Variants in MYLK4 observed in about 807,000 individuals in gnomAD.
MYLK4 encodes the protein myosin light chain kinase family member 4.
A neutral mutation model predicts 48.1 loss-of-function variants in MYLK4; 46 were observed. The ratio of observed to expected loss-of-function variants is 0.96; its 90% CI spans 0.75 to 1.22. The LOEUF (loss-of-function observed/expected upper bound fraction) is 1.22. Ranked by LOEUF, MYLK4 falls within the 50% of genes most tolerant of loss-of-function variation. MYLK4 has a pLI of 0.00. For synonymous variants in MYLK4, 170 were observed against 180.8 expected (o/e 0.94, Z 0.48); for missense variants, 451 against 486.1 (o/e 0.93, Z 0.68).
In MYLK4 at chr6:2,720,744, T is replaced by G. The variant is rs142807938; in HGVS notation, c.160-27885A>C. ...AAGTTTCCACAATAGAGTAAAGAAG[T>G]CTCCCTGAAAGCAGAGCCACTAGAT... On this transcript the variant is annotated intron_variant, in intron 2 of 12. Transcript: ENST00000274643. 5.4e-4 allele frequency among the ~76,000 whole-genome samples: 82 copies of G among 151,156 alleles called. No homozygotes were observed. In the East Asian group the frequency reaches 0.012, roughly 22 times the overall value.
rs1206462976 is a variant in MYLK4, at chr6:2,726,779, A to AT, written c.159+22356dup. ...AGGCGCCCGCCACCATGCCAGGCTA[A>AT]TTTTTTTATTTTTAGTAGAGATGGG... is the stretch of plus-strand genomic sequence containing the variant. On this transcript the variant is annotated intron_variant, in intron 2 of 12. Coordinates refer to ENST00000274643, the MANE Select transcript of MYLK4 (RefSeq NM_001012418.5). Among the ~76,000 whole-genome samples the AT allele has an allele frequency of 1.4e-4, 22 of 151,874 alleles. No individual in the cohort carries two copies. The East Asian group carries it at 4.1e-3, about 28-fold the overall frequency.
At chr6:2,682,830 T>C (rs967772248) in intron 7 of MYLK4, among the ~76,000 whole-genome samples, 191 bp downstream of exon 7, 2 of 152,140 alleles carry the variant, frequency 1.3e-5, no homozygotes, top group South Asian at 2.1e-4. Flanking sequence ...ATATCACCCC[T>C]GAAGATGGAA....
chr6:2,763,563 C>G, the MYLK4 span, among the ~76,000 whole-genome samples: 39 of 152,224 alleles, frequency 2.6e-4, no homozygotes, highest in Middle Eastern at 3.2e-3. Context: ...GCTCCGAGCG[C>G]GAGGCTTATC....
At chr6:2,754,916 T>A (rs1277237851), upstream of MYLK4, among the ~76,000 whole-genome samples, 1 of 152,184 alleles carries the variant, frequency 6.6e-6, no homozygotes, top group African/African-American at 2.4e-5. Flanking sequence ...AATATAAGAT[T>A]TTGTAATTAA....
At chr6:2,683,437 T>TC (rs1761406306) in intron 6 of MYLK4, among the ~76,000 whole-genome samples, 1 of 108,842 alleles carries the variant, frequency 9.2e-6, no homozygotes, top group African/African-American at 3.7e-5. Context: ...GTGTGTGTTT[T>TC]GAGATGGAGT....
intron 2 of MYLK4, among the ~76,000 whole-genome samples, chr6:2,714,457 C>T (rs1183234703): frequency 6.6e-6 from 1 of 152,248 alleles, no homozygotes; most frequent in East Asian, 1.9e-4. Flanking sequence ...ATGAGTCAGC[C>T]CTGCTCTGCA....
chr6:2,754,579 T>A (rs1764378978), upstream of MYLK4, among the ~76,000 whole-genome samples: 1 of 152,228 alleles, frequency 6.6e-6, no homozygotes, highest in South Asian at 2.1e-4. Context: ...GTGGTAGTGA[T>A]GACTGTACAA....
At chr6:2,741,312 A>G (rs1250351377) in intron 2 of MYLK4, among the ~76,000 whole-genome samples, 1 of 152,232 alleles carries the variant, frequency 6.6e-6, no homozygotes, top group Non-Finnish European at 1.5e-5. Context: ...ACTTAGGTAC[A>G]CAGACTTGAT....
intron 2 of MYLK4, among the ~76,000 whole-genome samples, chr6:2,740,240 TC>T (rs145400384): frequency 7.9e-4 from 121 of 152,316 alleles, no homozygotes; most frequent in African/African-American, 2.7e-3. Context: ...GGTGCACCTC[TC>T]CTTGTCCTCC....
chr6:2,712,651 G>A (rs1472186612), intron 2 of MYLK4, among the ~76,000 whole-genome samples: 1 of 152,206 alleles, frequency 6.6e-6, no homozygotes, highest in Non-Finnish European at 1.5e-5. Flanking sequence ...GGTACACTAA[G>A]TGGGACCCAC....
rs762373754 is a variant in MYLK4, at chr6:2,688,937, C to T, written c.255G>A (p.Pro85=). The T allele has an allele frequency of 1.2e-5, 19 of 1,613,978 alleles. No homozygotes were observed. Among genetic ancestry groups the T allele is most frequent in the East Asian group, 6.7e-5 (3 of 44,894 alleles). ...TCACAATACGATGATCAAATGGGGC[C>T]GGAGGAGCCGGGATGTCAACTAGAA... ...SALAVDIPAP[P]APFDHRIVTA... The change falls in exon 4 of 13, where the codon CCG becomes CCA. Residue 85 remains proline (P), a synonymous_variant. Transcript: ENST00000274643.
At position 2,666,315 on chromosome 6, in the gene MYLK4, G is replaced by A. The variant is rs12203132; in HGVS notation, c.*1610C>T. ...TTCTTATGCCTTTCATTGCTATTGC[G>A]ACAACAGTAATTGAGACCATTCTGG... is the stretch of plus-strand genomic sequence containing the variant. On this transcript the variant is annotated 3_prime_UTR_variant, in exon 13 of 13. Transcript: ENST00000274643. The A allele has an allele frequency of 0.38, 58,146 of 151,958 alleles. 11,424 individuals carry two copies. The highest frequency in any genetic ancestry group is 0.4 in the Non-Finnish European group (27,415 of 67,966). 9.4% of individuals were successfully genotyped at this position (151,958 alleles called of 1,614,324 possible). A position where few individuals can be genotyped will look rare whatever the true frequency, so the allele number is the denominator to read the frequency against.
At chr6:2,751,940 T>C (rs1269756711), upstream of MYLK4, among the ~76,000 whole-genome samples, 1 of 152,248 alleles carries the variant, frequency 6.6e-6, no homozygotes, top group Non-Finnish European at 1.5e-5. Flanking sequence ...ATAAATTATC[T>C]GACAAAAGTA....
At chr6:2,731,959 ATCTCCAG>A (rs1028123819) in intron 2 of MYLK4, among the ~76,000 whole-genome samples, 1 of 152,202 alleles carries the variant, frequency 6.6e-6, no homozygotes, top group African/African-American at 2.4e-5. Context: ...CAGTCTGACC[ATCTCCAG>A]GGAGCAGAGA....
intron 2 of MYLK4, among the ~76,000 whole-genome samples, chr6:2,718,398 C>G (rs191603207): frequency 6.6e-6 from 1 of 152,260 alleles, no homozygotes; most frequent in Admixed American, 6.5e-5. Context: ...ATAATGTGCT[C>G]TCCAAAAAAA....
intron 2 of MYLK4, among the ~76,000 whole-genome samples, chr6:2,746,676 C>T (rs1327947504): frequency 1.3e-5 from 2 of 152,244 alleles, no homozygotes; most frequent in Admixed American, 6.5e-5. Flanking sequence ...TATGATTAGC[C>T]GTGCTAATCC....
At chr6:2,759,293 A>G in the MYLK4 span, among the ~76,000 whole-genome samples, 1 of 152,066 alleles carries the variant, frequency 6.6e-6, no homozygotes, top group African/African-American at 2.4e-5. Flanking sequence ...TTTTGTAGAG[A>G]TGGAGGTCTC....
chr6:2,738,982 T>C (rs954505154), intron 2 of MYLK4, among the ~76,000 whole-genome samples: 10 of 152,228 alleles, frequency 6.6e-5, no homozygotes, highest in African/African-American at 2.2e-4. Flanking sequence ...GGATTGTTAA[T>C]AGTTGATAAA....
Position 2,663,746 on chromosome 6 carries a change from T to C in MYLK4, c.*4179A>G, listed in dbSNP as rs1026351414. Reference sequence around the variant, plus strand: ...TGAAAGTACGTTCAGAAATTTAAAATATACATGATAGACACAATCACCACG... The same window carrying C: ...TGAAAGTACGTTCAGAAATTTAAAACATACATGATAGACACAATCACCACG... On this transcript the variant is annotated 3_prime_UTR_variant, in exon 13 of 13. Coordinates refer to ENST00000274643, the MANE Select transcript of MYLK4 (RefSeq NM_001012418.5). The C allele has an allele frequency of 7.2e-5, 11 of 152,560 alleles. No individual in the cohort carries two copies. The highest frequency in any genetic ancestry group is 2.4e-4 in the African/African-American group (10 of 41,374). 9.5% of individuals were successfully genotyped at this position (152,560 alleles called of 1,614,324 possible).
Sources: gnomAD v4.1 joint callset for allele counts (sites outside exome capture counted in the v4.1 genomes callset) on GRCh38, gnomAD v4.1.1 for gene constraint, MANE v1.5 for transcripts, NCBI Gene and HGNC (gene_info 2026-07-23, HGNC 2026-07-21) for gene names.